The following CEP112 variants were observed in gnomAD, a reference collection of about 807,000 sequenced individuals.
CEP112 encodes centrosomal protein 112.
In CEP112, 127 loss-of-function variants were observed where a neutral mutation model predicts 153.0. The observed-to-expected ratio is 0.83, with a 90% confidence interval of 0.72 to 0.96. CEP112 has a LOEUF of 0.96. Among genes scored for constraint, CEP112 ranks in the 40% least tolerant of loss-of-function variants. The pLI is 0.00. For synonymous variants in CEP112, 358 were observed against 374.4 expected, an observed-to-expected ratio of 0.96 and a Z score of 0.51; for missense variants, 1,089 against 1,101.2, an observed-to-expected ratio of 0.99 and a Z score of 0.16.
At chr17:66,134,493 C>G (rs1259432837) in intron 4 of CEP112, among the ~76,000 whole-genome samples, 1 of 152,150 alleles carries the variant, frequency 6.6e-6, no homozygotes, top group Non-Finnish European at 1.5e-5. Flanking sequence ...GTTGATCTCA[C>G]TAAAACATTA....
At chr17:66,169,995 G>A (rs545517268) in intron 4 of CEP112, among the ~76,000 whole-genome samples, 51 of 152,210 alleles carry the variant, frequency 3.4e-4, no homozygotes, top group Non-Finnish European at 6.3e-4. Flanking sequence ...TTCACTTCCC[G>A]ACTTGTGTGG....
intron 12 of CEP112, among the ~76,000 whole-genome samples, chr17:66,051,579 A>T (rs1044431993): frequency 3.3e-5 from 5 of 152,174 alleles, no homozygotes; most frequent in Non-Finnish European, 7.3e-5. Context: ...TCCAGGTTCC[A>T]AACAACTGTG....
At chr17:66,142,386 T>C (rs1324776484) in intron 4 of CEP112, among the ~76,000 whole-genome samples, 1 of 152,234 alleles carries the variant, frequency 6.6e-6, no homozygotes, top group Non-Finnish European at 1.5e-5. Flanking sequence ...TTTGCTTTAG[T>C]TGCCTATGTT....
In CEP112 at chr17:66,029,112, A is replaced by G. The variant is rs373832236; in HGVS notation, c.1503+11T>C. 6.3e-7 allele frequency: 1 copy of G among 1,582,774 alleles called. No homozygotes were observed. The highest frequency in any genetic ancestry group is 1.4e-5 in the African/African-American group (1 of 73,758). On this transcript the variant is annotated intron_variant, in intron 14 of 26. Coordinates refer to ENST00000535342, the MANE Select transcript of CEP112 (RefSeq NM_001199165.4). Reference sequence around the variant, plus strand: ...TACTTCATGTGGATTATCTATTAACATAAATAATACCTTAGAAGCTGAAAG... The same window carrying G: ...TACTTCATGTGGATTATCTATTAACGTAAATAATACCTTAGAAGCTGAAAG...
chr17:66,147,774 C>G (rs1479496230), intron 4 of CEP112, among the ~76,000 whole-genome samples: 1 of 152,074 alleles, frequency 6.6e-6, no homozygotes, highest in Non-Finnish European at 1.5e-5. Context: ...CTGTCCTTTT[C>G]CCAATGAATG....
chr17:66,142,533 G>A (rs1454820560), intron 4 of CEP112, among the ~76,000 whole-genome samples: 2 of 152,108 alleles, frequency 1.3e-5, no homozygotes, highest in African/African-American at 2.4e-5. Flanking sequence ...TGTGTATGGT[G>A]CAAGATAAGG....
In CEP112 at chr17:66,191,886, G is replaced by T. The variant is rs956782266; in HGVS notation, c.-9+111C>A. On this transcript the variant is annotated intron_variant, in intron 1 of 26. Coordinates refer to ENST00000535342, the MANE Select transcript of CEP112 (RefSeq NM_001199165.4). The surrounding 1 kb of genome is among the most constrained non-coding windows in gnomAD (Gnocchi z 4.2). ...AACGGGCCCAGGGCCTGAGGGCGAC[G>T]CCCCTTCCCGAACGGGCCCGCAAGG... 2 of 152,086 alleles carry T rather than the reference G, an allele frequency of 1.3e-5. No homozygotes were observed. The highest frequency in any genetic ancestry group is 2.4e-5 in the African/African-American group (1 of 41,412). 9.4% of individuals were successfully genotyped at this position (152,086 alleles called of 1,614,324 possible). A position where few individuals can be genotyped will look rare whatever the true frequency, so the allele number is the denominator to read the frequency against.
chr17:66,175,082 T>C lies in CEP112; in HGVS notation c.432A>G (p.Glu144=), dbSNP rs371720253. The C allele has an allele frequency of 6.2e-7, 1 of 1,612,492 alleles. No homozygotes were observed. Among genetic ancestry groups the C allele is most frequent in the African/African-American group, 1.3e-5 (1 of 74,986 alleles). The change falls in exon 4 of 27, where the codon GAA becomes GAG. Residue 144 remains glutamate (E), a synonymous_variant. Coordinates refer to ENST00000535342, the MANE Select transcript of CEP112 (RefSeq NM_001199165.4). ...LNESWKLSSG[E]DNTLVQSPTD... Reference sequence around the variant, plus strand: ...TTGGCGACTGTACTAAAGTGTTATCTTCTCCAGAAGAGAGTTTCCATGATT... The same window carrying C: ...TTGGCGACTGTACTAAAGTGTTATCCTCTCCAGAAGAGAGTTTCCATGATT...
At chr17:65,980,042 A>G (rs1204428201) in intron 17 of CEP112, among the ~76,000 whole-genome samples, 1 of 152,208 alleles carries the variant, frequency 6.6e-6, no homozygotes, top group Non-Finnish European at 1.5e-5. Flanking sequence ...TTAAAAAAGA[A>G]AAAGCCAAAT....
At chr17:65,647,285 T>C (rs571413559) in intron 24 of CEP112, among the ~76,000 whole-genome samples, 118 of 150,642 alleles carry the variant, frequency 7.8e-4, no homozygotes, top group Admixed American at 6.7e-3. Context: ...GCGATTCTCC[T>C]GCCTCAGCCT....
chr17:65,657,125 C>T lies in CEP112; in HGVS notation c.2698-16060G>A, dbSNP rs1401940591. 2.0e-5 allele frequency among the ~76,000 whole-genome samples: 3 copies of T among 152,314 alleles called. No individual in the cohort carries two copies. In the East Asian group the frequency reaches 5.8e-4, roughly 29 times the overall value. ...GGAGGGGAGTTGGTTTCATCATGCT[C>T]TTTCCTCCTCTGTGCTTCTCCAGTT... On this transcript the variant is annotated intron_variant, in intron 24 of 26. Transcript: ENST00000535342.
intron 20 of CEP112, among the ~76,000 whole-genome samples, chr17:65,875,354 T>A (rs909637403): frequency 6.6e-6 from 1 of 152,090 alleles, no homozygotes; most frequent in Non-Finnish European, 1.5e-5. Context: ...TCAAACCAAG[T>A]AGTATAGAAA....
Position 65,748,435 on chromosome 17 carries a change from T to C in CEP112, c.2457+2227A>G, listed in dbSNP as rs2051604367. Among the ~76,000 whole-genome samples, 13 of 152,214 alleles carry C rather than the reference T, an allele frequency of 8.5e-5. No homozygotes were observed. In the South Asian group the frequency reaches 2.7e-3, roughly 32 times the overall value. ...CTCCAAGCTTTTCAGGGAGATTTTATCACCTTGTGAACACCCAAAAACATG... is the reference window on the plus strand; with the variant it reads ...CTCCAAGCTTTTCAGGGAGATTTTACCACCTTGTGAACACCCAAAAACATG... On this transcript the variant is annotated intron_variant, in intron 22 of 26. Coordinates refer to ENST00000535342, the MANE Select transcript of CEP112 (RefSeq NM_001199165.4).
chr17:65,962,522 T>G (rs1016842929), intron 17 of CEP112, among the ~76,000 whole-genome samples: 1 of 152,220 alleles, frequency 6.6e-6, no homozygotes, highest in Non-Finnish European at 1.5e-5. Flanking sequence ...AGCCTTCAGT[T>G]TATAAATGCA....
At chr17:65,821,771 C>T (rs1257964663) in intron 21 of CEP112, among the ~76,000 whole-genome samples, 2 of 150,608 alleles carry the variant, frequency 1.3e-5, no homozygotes, top group Non-Finnish European at 3.0e-5. Flanking sequence ...AGGCTGTTCT[C>T]GAACTCCTGA....
chr17:66,094,670 G>T (rs2068268966), intron 8 of CEP112, among the ~76,000 whole-genome samples: 1 of 152,072 alleles, frequency 6.6e-6, no homozygotes, highest in South Asian at 2.1e-4. Flanking sequence ...AAACTAAAAA[G>T]CTTCTGCATA....
intron 23 of CEP112, among the ~76,000 whole-genome samples, chr17:65,731,942 T>C (rs983422736): frequency 3.3e-5 from 4 of 122,088 alleles, no homozygotes; most frequent in Non-Finnish European, 6.1e-5. Context: ...TTTGTGAAAG[T>C]TGGAATCAAC....
chr17:65,675,204 T>C (rs2047166089), intron 24 of CEP112, among the ~76,000 whole-genome samples: 2 of 152,256 alleles, frequency 1.3e-5, no homozygotes, highest in Non-Finnish European at 2.9e-5. Flanking sequence ...GACAGAGAGA[T>C]AGAGTTAGAC....
At chr17:66,005,596 TATAAAA>T in intron 17 of CEP112, 88 bp downstream of exon 17, 2 of 1,407,732 alleles carry the variant, frequency 1.4e-6, no homozygotes, top group Non-Finnish European at 1.9e-6. Context: ...GCAAAGCTCT[TATAAAA>T]ATATAGTGTT....
Sources: allele counts gnomAD v4.1 joint callset (sites outside exome capture counted in the v4.1 genomes callset), GRCh38; gene constraint gnomAD v4.1.1; non-coding constraint Gnocchi (gnomAD v3.1); transcripts MANE v1.5; gene names NCBI Gene and HGNC (gene_info 2026-07-23, HGNC 2026-07-21).